The following SSBP3 variants were observed in gnomAD, a reference collection of about 807,000 sequenced individuals.
The protein encoded by SSBP3 is single stranded DNA binding protein 3.
Under a neutral mutation model 69.6 loss-of-function variants are expected in SSBP3, and 5 were observed. The ratio of observed to expected loss-of-function variants is 0.07; its 90% CI spans 0.04 to 0.15. SSBP3 has a LOEUF of 0.15. SSBP3 is among the 10% of genes least tolerant of loss of function. The pLI is 1.00. For synonymous variants in SSBP3, 196 were observed against 193.4 expected (o/e 1.01, Z -0.11); for missense variants, 312 against 534.0 (o/e 0.58, Z 4.10).
chr1:54,334,767 ACT>A (rs1180877184), intron 4 of SSBP3, among the ~76,000 whole-genome samples: 1 of 152,078 alleles, frequency 6.6e-6, no homozygotes, highest in African/African-American at 2.4e-5. Flanking sequence ...AGCCTGTATT[ACT>A]CTCTTTCAGT....
chr1:54,277,324 G>C (rs923770791), intron 5 of SSBP3, among the ~76,000 whole-genome samples: 1 of 152,062 alleles, frequency 6.6e-6, no homozygotes, highest in Admixed American at 6.6e-5. Flanking sequence ...TTTGAATGGG[G>C]ACTTCTTTGC....
intron 4 of SSBP3, among the ~76,000 whole-genome samples, chr1:54,392,936 T>C (rs1056271815): frequency 2.4e-4 from 36 of 152,142 alleles, no homozygotes; most frequent in African/African-American, 8.4e-4. Flanking sequence ...TGTCTTCCCA[T>C]AGGAGTCGTC....
intron 4 of SSBP3, among the ~76,000 whole-genome samples, chr1:54,282,841 AGG>A (rs34631165): frequency 6.6e-6 from 1 of 152,216 alleles, no homozygotes; most frequent in African/African-American, 2.4e-5. Flanking sequence ...ATCATCTCCC[AGG>A]GTTCTGATTC....
Position 54,370,147 on chromosome 1 carries a change from C to T in SSBP3, c.276+31714G>A, listed in dbSNP as rs187172082. On this transcript the variant is annotated intron_variant, in intron 4 of 17. Transcript: ENST00000610401. ...ACCTTCTTCAGTCAATCACCATGCA[C>T]CTCCCTAAGATCCTCCAGGGCCTTC... Among the ~76,000 whole-genome samples the T allele has an allele frequency of 4.6e-5, 7 of 152,286 alleles. No individual in the cohort carries two copies. In the East Asian group the frequency reaches 1.3e-3, roughly 29 times the overall value.
chr1:54,363,638 G>A (rs1172850621), intron 4 of SSBP3, among the ~76,000 whole-genome samples: 1 of 151,834 alleles, frequency 6.6e-6, no homozygotes, highest in East Asian at 1.9e-4. Flanking sequence ...ACCACCCCCT[G>A]CACCATCATT....
intron 9 of SSBP3, among the ~76,000 whole-genome samples, chr1:54,248,012 G>A (rs571251975): frequency 6.6e-6 from 1 of 152,334 alleles, no homozygotes; most frequent in South Asian, 2.1e-4. Context: ...GCTGGTTCCT[G>A]TGAGACATTT....
chr1:54,316,677 T>C (rs142228486), intron 4 of SSBP3, among the ~76,000 whole-genome samples: 1 of 96,240 alleles, frequency 1.0e-5, no homozygotes, highest in Admixed American at 9.7e-5. Flanking sequence ...AATAAATAAA[T>C]AAATAAATAA....
chr1:54,365,515 C>G (rs1169720402), intron 4 of SSBP3, among the ~76,000 whole-genome samples: 1 of 152,194 alleles, frequency 6.6e-6, no homozygotes, highest in Non-Finnish European at 1.5e-5. Context: ...ACGAAGCTGC[C>G]TATGAGCTAC....
At chr1:54,286,956 A>T (rs1379597034) in intron 4 of SSBP3, 1 of 152,252 alleles carries the variant, frequency 6.6e-6, no homozygotes, top group African/African-American at 2.4e-5. Flanking sequence ...CCACATTCCC[A>T]GAGGCCTCTC....
At chr1:54,403,264 T>A (rs1198779821) in intron 3 of SSBP3, among the ~76,000 whole-genome samples, 1 of 152,210 alleles carries the variant, frequency 6.6e-6, no homozygotes, top group African/African-American at 2.4e-5. Flanking sequence ...TTCTACTAGC[T>A]GCAGAGGGGG....
At chr1:54,366,631 G>C (rs946944332) in intron 4 of SSBP3, among the ~76,000 whole-genome samples, 1 of 152,170 alleles carries the variant, frequency 6.6e-6, no homozygotes, top group African/African-American at 2.4e-5. Flanking sequence ...CCTGGTACCA[G>C]GATGCACAGG....
intron 4 of SSBP3, among the ~76,000 whole-genome samples, chr1:54,345,445 A>G (rs542727165): frequency 1.6e-4 from 25 of 152,196 alleles, no homozygotes; most frequent in African/African-American, 6.0e-4. Flanking sequence ...CTCTAAGCCC[A>G]TGGTCCCAGC....
chr1:54,247,286 A>T (rs1644750873), intron 9 of SSBP3, among the ~76,000 whole-genome samples: 1 of 152,248 alleles, frequency 6.6e-6, no homozygotes, highest in South Asian at 2.1e-4. Flanking sequence ...GCAGGTGGGA[A>T]GGGAATACAC....
intron 12 of SSBP3, 95 bp from the exon 13 acceptor site, chr1:54,241,054 C>G (rs569875411): frequency 1.5e-6 from 2 of 1,365,732 alleles, no homozygotes; most frequent in African/African-American, 2.9e-5. Context: ...AGCAACTGCT[C>G]GCCCCAGGCC....
At position 54,336,211 on chromosome 1, in the gene SSBP3, T is replaced by C. The variant is rs112422616; in HGVS notation, c.277-54684A>G. Among the ~76,000 whole-genome samples the C allele has an allele frequency of 2.1e-3, 316 of 152,344 alleles. 3 individuals carry two copies. The highest frequency in any genetic ancestry group is 7.3e-3 in the African/African-American group (303 of 41,576). On this transcript the variant is annotated intron_variant, in intron 4 of 17. Coordinates refer to ENST00000610401, the Ensembl canonical transcript of SSBP3. ...CCATTCCAGAAAGACTATAATCCAG[T>C]GGGCTATCCTGTTTCCTTTTACCCA... is the stretch of plus-strand genomic sequence containing the variant.
intron 4 of SSBP3, among the ~76,000 whole-genome samples, chr1:54,324,601 A>G (rs1469386293): frequency 2.0e-5 from 3 of 152,186 alleles, no homozygotes; most frequent in African/African-American, 7.2e-5. Context: ...CCGAGGAGAG[A>G]AGGCCAGCCT....
At chr1:54,385,206 G>A (rs1475001151) in intron 4 of SSBP3, among the ~76,000 whole-genome samples, 1 of 152,124 alleles carries the variant, frequency 6.6e-6, no homozygotes, top group Non-Finnish European at 1.5e-5. Context: ...AGATCGTTTG[G>A]GGACAGGGAG....
chr1:54,374,774 C>T (rs1029382758), intron 4 of SSBP3, among the ~76,000 whole-genome samples: 1 of 152,188 alleles, frequency 6.6e-6, no homozygotes, highest in African/African-American at 2.4e-5. Flanking sequence ...GCAGACCCCA[C>T]CTAATCCAAC....
chr1:54,408,847 G>A (rs193037621), upstream of SSBP3, among the ~76,000 whole-genome samples: 14 of 152,328 alleles, frequency 9.2e-5, no homozygotes, highest in East Asian at 2.5e-3. Flanking sequence ...TCTGTGGTCA[G>A]CCCTTTGCTG....
Sources: allele counts gnomAD v4.1 joint callset (sites outside exome capture counted in the v4.1 genomes callset), GRCh38; gene constraint gnomAD v4.1.1; transcripts MANE v1.5; gene names NCBI Gene and HGNC (gene_info 2026-07-23, HGNC 2026-07-21).